Variants in ADARB1 observed in about 807,000 individuals in gnomAD.
ADARB1 encodes adenosine deaminase RNA specific B1.
Under a neutral mutation model 52.4 loss-of-function variants are expected in ADARB1, and 10 were observed. The observed-to-expected ratio is 0.19, with a 90% CI of 0.12 to 0.32. The LOEUF is 0.32. Ranked by LOEUF, ADARB1 falls within the 10% of genes least tolerant of loss-of-function variation. The pLI is 1.00. For missense variants in ADARB1, 643 were observed against 922.3 expected, an observed-to-expected ratio of 0.70 and a Z score of 3.92; for synonymous variants, 349 against 371.1, an observed-to-expected ratio of 0.94 and a Z score of 0.68.
chr21:45,176,335 CCGGTGCCTG>C lies in ADARB1; in HGVS notation c.636_644del (p.Val213_Ala215del), dbSNP rs774004725. 6 of 1,614,076 alleles carry C rather than the reference CCGGTGCCTG, an allele frequency of 3.7e-6. No individual in the cohort carries two copies. In the East Asian group the frequency reaches 1.3e-4, roughly 36 times the overall value. ...CGGGGACCTCAGCTTGTCTGCTTCC[CCGGTGCCTG>C]CCAGCCTAGCCCAGCCTCCTCTCCC... On this transcript the variant is annotated inframe_deletion, in exon 4 of 11. Coordinates refer to ENST00000348831, the MANE Select transcript of ADARB1 (RefSeq NM_001112.4). This position sits in a 1 kb window ranked among gnomAD's most constrained non-coding sequence, Gnocchi z 5.8.
At chr21:45,153,081 C>T (rs907964152) in intron 2 of ADARB1, among the ~76,000 whole-genome samples, 1 of 152,180 alleles carries the variant, frequency 6.6e-6, no homozygotes, top group African/African-American at 2.4e-5. Context: ...AATGACTTTT[C>T]TACATTAAAA....
rs1399714379 is a variant in ADARB1, at chr21:45,204,704, C to G, written c.1715C>G (p.Pro572Arg). 2 of 1,613,146 alleles carry G rather than the reference C, an allele frequency of 1.2e-6. No individual in the cohort carries two copies. Among genetic ancestry groups the G allele is most frequent in the East Asian group, 4.5e-5 (2 of 44,838 alleles). ...ATCTCCAACATAGAGGACCTGCCAC[C>G]TCTCTACACCCTCAACAAGCCTTTG... is the stretch of plus-strand genomic sequence containing the variant. ...QRISNIEDLP[P>R]LYTLNKPLLS... Residue 572 changes from proline to arginine, a missense_variant, in exon 9 of 11, where the codon CCT (proline) becomes CGT (arginine). By Grantham distance (103) the Pro-to-Arg change is moderately radical. Around this residue, in one of 2 missense-constraint regions of ADARB1, gnomAD observed 263 missense variants for 475.8 expected, o/e 0.55. Coordinates refer to ENST00000348831, the MANE Select transcript of ADARB1 (RefSeq NM_001112.4). The surrounding 1 kb of genome is among the most constrained non-coding windows in gnomAD (Gnocchi z 4.4).
At chr21:45,082,958 C>T (rs749490169) in intron 1 of ADARB1, among the ~76,000 whole-genome samples, 2 of 152,260 alleles carry the variant, frequency 1.3e-5, no homozygotes, top group Non-Finnish European at 2.9e-5. Context: ...ACTCAGAGCC[C>T]TGGCTCCAGC....
At chr21:45,149,295 C>T (rs1310050611) in intron 2 of ADARB1, among the ~76,000 whole-genome samples, 2 of 152,232 alleles carry the variant, frequency 1.3e-5, no homozygotes, top group South Asian at 2.1e-4. Flanking sequence ...AAATCCATCA[C>T]GGCTGCTGAT....
At chr21:45,185,859 G>A (rs999427087) in intron 8 of ADARB1, among the ~76,000 whole-genome samples, 1 of 152,242 alleles carries the variant, frequency 6.6e-6, no homozygotes, top group Admixed American at 6.5e-5. Flanking sequence ...GGTTTTGACT[G>A]TCCATCCAGA....
chr21:45,125,086 C>T (rs754917800), intron 1 of ADARB1, among the ~76,000 whole-genome samples: 11 of 152,120 alleles, frequency 7.2e-5, no homozygotes, highest in Non-Finnish European at 1.5e-4. Context: ...CGTGAGCTAC[C>T]GCACCCAGCC....
chr21:45,098,386 C>T (rs1245842612), intron 1 of ADARB1, among the ~76,000 whole-genome samples: 1 of 152,232 alleles, frequency 6.6e-6, no homozygotes, highest in Non-Finnish European at 1.5e-5. Context: ...AGTTTCTTGC[C>T]TGGGCTTTGC....
At chr21:45,122,882 A>G (rs780074820) in intron 1 of ADARB1, among the ~76,000 whole-genome samples, 1 of 152,246 alleles carries the variant, frequency 6.6e-6, no homozygotes, top group African/African-American at 2.4e-5. Context: ...GCCTTTTCGC[A>G]TAATCTCATA....
rs941863160 is a variant in ADARB1, at chr21:45,157,785, C to G, written c.-47-13825C>G. Among the ~76,000 whole-genome samples the G allele has an allele frequency of 6.6e-6, 1 of 152,166 alleles. No homozygotes were observed. The highest frequency in any genetic ancestry group is 2.4e-5 in the African/African-American group (1 of 41,424). The stretch of plus-strand genomic sequence containing the variant: ...GTGATGCTCTGTGGCACAGCTGGCC[C>G]TCGAAGTCACTCAGGGACCTAGGTT... On this transcript the variant is annotated intron_variant, in intron 2 of 10. Coordinates refer to ENST00000348831, the MANE Select transcript of ADARB1 (RefSeq NM_001112.4). This position sits in a 1 kb window ranked among gnomAD's most constrained non-coding sequence, Gnocchi z 4.1.
At chr21:45,130,869 G>A (rs562912337) in intron 2 of ADARB1, among the ~76,000 whole-genome samples, 83 of 152,234 alleles carry the variant, frequency 5.5e-4, no homozygotes, top group African/African-American at 2.0e-3. Context: ...CATCTTGGGG[G>A]GATACAATAG....
chr21:45,211,164 T>C (rs1477467918), intron 9 of ADARB1, among the ~76,000 whole-genome samples: 1 of 152,204 alleles, frequency 6.6e-6, no homozygotes, highest in Non-Finnish European at 1.5e-5. Context: ...AACCCAGCCA[T>C]CTTGCTCTGT....
chr21:45,075,693 G>T (rs1212495087), intron 1 of ADARB1, among the ~76,000 whole-genome samples: 1 of 152,198 alleles, frequency 6.6e-6, no homozygotes, highest in African/African-American at 2.4e-5. Flanking sequence ...TTGGAGTCCC[G>T]ATTTACACGC....
intron 1 of ADARB1, among the ~76,000 whole-genome samples, chr21:45,094,011 T>C (rs975704785): frequency 6.6e-6 from 1 of 152,222 alleles, no homozygotes; most frequent in Non-Finnish European, 1.5e-5. Flanking sequence ...ATTATTTGTC[T>C]GCCCATCCTG....
chr21:45,097,437 ATT>A (rs111570359), intron 1 of ADARB1, among the ~76,000 whole-genome samples: 19 of 141,992 alleles, frequency 1.3e-4, no homozygotes, highest in African/African-American at 3.9e-4. Flanking sequence ...GAGAATCATG[ATT>A]TTTTTTTTTT....
At chr21:45,153,426 A>ACTT (rs1332313508) in intron 2 of ADARB1, among the ~76,000 whole-genome samples, 2 of 152,100 alleles carry the variant, frequency 1.3e-5, no homozygotes, top group African/African-American at 4.8e-5. Context: ...GAACAGCTGA[A>ACTT]CACAGGCGTG....
At chr21:45,187,113 A>T (rs1601844178) in intron 8 of ADARB1, among the ~76,000 whole-genome samples, 1 of 152,340 alleles carries the variant, frequency 6.6e-6, no homozygotes, top group South Asian at 2.1e-4. Context: ...GCTTTGGTTA[A>T]TATGGACATC....
rs924984945 is a variant in ADARB1, at chr21:45,090,730, C to T, written c.-220+15937C>T. ...ACTCCTACCCTCCCCAGGAGGACCC[C>T]GGTTCTGACCTCTCTCCACCTTTGT... On this transcript the variant is annotated intron_variant, in intron 1 of 10. Transcript: ENST00000348831. Among the ~76,000 whole-genome samples the T allele has an allele frequency of 2.0e-5, 3 of 152,172 alleles. No homozygotes were observed. The East Asian group carries it at 5.8e-4, about 29-fold the overall frequency.
intron 9 of ADARB1, among the ~76,000 whole-genome samples, chr21:45,206,560 CTTTTTTTTTTTTTTT>C (rs71199660): frequency 1.8e-5 from 1 of 54,918 alleles, no homozygotes; most frequent in Admixed American, 2.8e-4. Context: ...CTTCTCTGGT[CTTTTTTTTTTTTTTT>C]TTTTTTTTTT....
intron 2 of ADARB1, among the ~76,000 whole-genome samples, chr21:45,136,147 T>C (rs2089357606): frequency 1.3e-5 from 2 of 152,086 alleles, no homozygotes; most frequent in Admixed American, 1.3e-4. Context: ...CCTCCCCTTC[T>C]TGGTGGCCAG....
Sources: gnomAD v4.1 joint callset for allele counts (sites outside exome capture counted in the v4.1 genomes callset) on GRCh38, gnomAD v4.1.1 for gene constraint, gnomAD v4.1.1 regional missense constraint, Gnocchi (gnomAD v3.1) non-coding constraint, MANE v1.5 for transcripts, NCBI Gene and HGNC (gene_info 2026-07-23, HGNC 2026-07-21) for gene names.